The following LYPLAL1 variants were observed in gnomAD, a reference collection of about 807,000 sequenced individuals.
LYPLAL1 encodes lysophospholipase like 1, also known as lysophospholipase-like protein 1.
In LYPLAL1, 23 loss-of-function variants were observed where a neutral mutation model predicts 19.7. The ratio of observed to expected loss-of-function variants is 1.17; its 90% CI spans 0.84 to 1.65. LYPLAL1 has a LOEUF of 1.65. LYPLAL1 is among the 40% of genes most tolerant of loss of function. LYPLAL1 has a pLI of 0.00. For missense variants in LYPLAL1, 355 were observed against 279.4 expected (o/e 1.27, Z -1.93); for synonymous variants, 119 against 96.3 (o/e 1.24, Z -1.38).
chr1:219,316,433 A>G, the LYPLAL1 span, among the ~76,000 whole-genome samples: 1 of 152,190 alleles, frequency 6.6e-6, no homozygotes, highest in Non-Finnish European at 1.5e-5. Context: ...TGGATTTAGT[A>G]TCAGGGCAAT....
the LYPLAL1 span, among the ~76,000 whole-genome samples, chr1:219,244,824 G>A: frequency 6.8e-6 from 1 of 147,596 alleles, no homozygotes; most frequent in African/African-American, 2.5e-5. Context: ...GTGCATGCCT[G>A]TAATCCAAGC....
At chr1:219,282,255 A>G in the LYPLAL1 span, among the ~76,000 whole-genome samples, 3 of 152,154 alleles carry the variant, frequency 2.0e-5, no homozygotes, top group Admixed American at 6.5e-5. Context: ...TTAAATAGAA[A>G]ATTGTAAGAT....
chr1:219,404,986 G>GA, the LYPLAL1 span, among the ~76,000 whole-genome samples: 6 of 152,084 alleles, frequency 3.9e-5, no homozygotes, highest in African/African-American at 1.2e-4. Context: ...CATCAAACTG[G>GA]AAAAAAATGC....
At chr1:219,266,969 A>G in the LYPLAL1 span, among the ~76,000 whole-genome samples, 1 of 152,170 alleles carries the variant, frequency 6.6e-6, no homozygotes, top group Non-Finnish European at 1.5e-5. Context: ...TGTTCCTATT[A>G]CTGGTTGTGT....
chr1:219,246,567 A>C, the LYPLAL1 span, among the ~76,000 whole-genome samples: 2 of 152,128 alleles, frequency 1.3e-5, no homozygotes, highest in Non-Finnish European at 2.9e-5. Flanking sequence ...TGCCCCGTTT[A>C]CAAGTAGACA....
chr1:219,286,070 C>T, the LYPLAL1 span, among the ~76,000 whole-genome samples: 2 of 152,114 alleles, frequency 1.3e-5, no homozygotes, highest in Non-Finnish European at 2.9e-5. Context: ...GTCCCACAGG[C>T]AAGCAGATAA....
the LYPLAL1 span, among the ~76,000 whole-genome samples, chr1:219,313,409 G>C: frequency 1.3e-5 from 2 of 152,136 alleles, no homozygotes; most frequent in African/African-American, 4.8e-5. Context: ...CAAGACAGCT[G>C]CTCCTCTTTC....
intron 3 of LYPLAL1, among the ~76,000 whole-genome samples, chr1:219,201,414 G>A (rs1658088572): frequency 6.6e-6 from 1 of 151,688 alleles, no homozygotes; most frequent in Non-Finnish European, 1.5e-5. Context: ...GAAGTACCAA[G>A]AGAACCTTGT....
chr1:219,180,717 A>T (rs1021674329), intron 2 of LYPLAL1, among the ~76,000 whole-genome samples: 1 of 152,246 alleles, frequency 6.6e-6, no homozygotes, highest in African/African-American at 2.4e-5. Context: ...TTGTCTGATT[A>T]ATCATAAGAC....
the LYPLAL1 span, among the ~76,000 whole-genome samples, chr1:219,267,490 C>T: frequency 6.6e-6 from 1 of 152,166 alleles, no homozygotes; most frequent in African/African-American, 2.4e-5. Context: ...CAAATATGGA[C>T]TGGATATTCC....
chr1:219,384,710 C>T, the LYPLAL1 span, among the ~76,000 whole-genome samples: 2 of 151,978 alleles, frequency 1.3e-5, no homozygotes, highest in Admixed American at 6.6e-5. Flanking sequence ...ACAAATCAGT[C>T]GAATTTATTT....
At chr1:219,306,339 G>T in the LYPLAL1 span, among the ~76,000 whole-genome samples, 1 of 152,270 alleles carries the variant, frequency 6.6e-6, no homozygotes, top group East Asian at 1.9e-4. Context: ...GCCACAGGGA[G>T]CCCAGGTATT....
chr1:219,279,911 A>G, the LYPLAL1 span, among the ~76,000 whole-genome samples: 1 of 152,218 alleles, frequency 6.6e-6, no homozygotes, highest in Admixed American at 6.5e-5. Flanking sequence ...TCTAAAAGCC[A>G]CATCAGAAAA....
chr1:219,379,058 C>CTA, the LYPLAL1 span, among the ~76,000 whole-genome samples: 1 of 152,150 alleles, frequency 6.6e-6, no homozygotes, highest in African/African-American at 2.4e-5. Flanking sequence ...ACATTTCTCT[C>CTA]TATATATATA....
chr1:219,402,991 A>G, the LYPLAL1 span, among the ~76,000 whole-genome samples: 1 of 152,204 alleles, frequency 6.6e-6, no homozygotes, highest in Non-Finnish European at 1.5e-5. Flanking sequence ...AACCCAGAGA[A>G]TTACTGGAAC....
chr1:219,398,875 G>T, the LYPLAL1 span, among the ~76,000 whole-genome samples: 3 of 152,132 alleles, frequency 2.0e-5, no homozygotes, highest in Non-Finnish European at 2.9e-5. Flanking sequence ...GACTTTTATT[G>T]TGCCCTGTCT....
chr1:219,206,157 C>G, intron 3 of LYPLAL1, among the ~76,000 whole-genome samples: 1 of 151,896 alleles, frequency 6.6e-6, no homozygotes, highest in East Asian at 1.9e-4. Flanking sequence ...CTAATATAGT[C>G]TTTTTATAGA....
At chr1:219,348,524 T>A in the LYPLAL1 span, among the ~76,000 whole-genome samples, 1 of 152,204 alleles carries the variant, frequency 6.6e-6, no homozygotes. Context: ...AAAGAATATG[T>A]CTTCAGTCTT....
At chr1:219,256,744 G>A in the LYPLAL1 span, among the ~76,000 whole-genome samples, 5 of 151,842 alleles carry the variant, frequency 3.3e-5, no homozygotes, top group African/African-American at 1.2e-4. Context: ...CATGGCTTTA[G>A]CTGCATTCTC....
Sources: allele counts gnomAD v4.1 joint callset (sites outside exome capture counted in the v4.1 genomes callset), GRCh38; gene constraint gnomAD v4.1.1; transcripts MANE v1.5; gene names NCBI Gene and HGNC (gene_info 2026-07-23, HGNC 2026-07-21).